TEAD1: variants seen among roughly 807,000 people sequenced by gnomAD.
TEAD1 encodes TEA domain transcription factor 1, also known as transcriptional enhancer factor TEF-1.
A neutral mutation model predicts 54.9 loss-of-function variants in TEAD1; 9 were observed. That is an observed-to-expected ratio of 0.16 (90% CI 0.10 to 0.29). TEAD1 has a LOEUF of 0.29. TEAD1 is among the 10% of genes least tolerant of loss of function. The pLI is 1.00. For missense variants in TEAD1, 387 were observed against 535.9 expected (o/e 0.72, Z 2.74); for synonymous variants, 200 against 187.8 (o/e 1.07, Z -0.53).
At chr11:12,706,645 A>T (rs1943821793) in intron 2 of TEAD1, among the ~76,000 whole-genome samples, 1 of 152,186 alleles carries the variant, frequency 6.6e-6, no homozygotes, top group Non-Finnish European at 1.5e-5. Flanking sequence ...TCCCAGGTGC[A>T]ACCTGCTGTG....
chr11:12,889,913 G>A (rs1339980292), intron 9 of TEAD1, among the ~76,000 whole-genome samples: 2 of 151,910 alleles, frequency 1.3e-5, no homozygotes, highest in African/African-American at 4.8e-5. Flanking sequence ...GTAGAGATGG[G>A]GTTTTACTAT....
At chr11:12,855,313 C>T (rs1054384717) in intron 3 of TEAD1, among the ~76,000 whole-genome samples, 1 of 151,328 alleles carries the variant, frequency 6.6e-6, no homozygotes, top group African/African-American at 2.4e-5. Context: ...TTTGTTGAGA[C>T]GGAGTCTCGC....
intron 2 of TEAD1, among the ~76,000 whole-genome samples, chr11:12,743,101 C>T (rs1944678334): frequency 6.6e-6 from 1 of 152,180 alleles, no homozygotes; most frequent in African/African-American, 2.4e-5. Flanking sequence ...GTGTTCTTGC[C>T]TTGGCATCCC....
chr11:12,802,495 C>T (rs1009836422), intron 3 of TEAD1, among the ~76,000 whole-genome samples: 2 of 152,114 alleles, frequency 1.3e-5, no homozygotes, highest in African/African-American at 2.4e-5. Context: ...CCCCCCATCT[C>T]ACCGCCGCCC....
chr11:12,799,157 C>T (rs1273030399), intron 3 of TEAD1, among the ~76,000 whole-genome samples: 2 of 152,200 alleles, frequency 1.3e-5, no homozygotes, highest in African/African-American at 4.8e-5. Context: ...ATTTACCTAC[C>T]TGTCTACCAA....
At chr11:12,776,783 T>TATTATC (rs1468351314) in intron 3 of TEAD1, among the ~76,000 whole-genome samples, 1 of 128,086 alleles carries the variant, frequency 7.8e-6, no homozygotes, top group Non-Finnish European at 1.5e-5. Flanking sequence ...TTATTATTAT[T>TATTATC]ATTATTATTA....
At chr11:12,677,370 C>T (rs934610486) in intron 2 of TEAD1, among the ~76,000 whole-genome samples, 6 of 152,112 alleles carry the variant, frequency 3.9e-5, no homozygotes, top group Non-Finnish European at 7.4e-5. Flanking sequence ...GGGAGGGCAG[C>T]CTGGGGGGAG....
intron 2 of TEAD1, among the ~76,000 whole-genome samples, chr11:12,675,982 C>T (rs1943077281): frequency 6.6e-6 from 1 of 152,188 alleles, no homozygotes; most frequent in Non-Finnish European, 1.5e-5. Flanking sequence ...AAGCAAGTGG[C>T]TTCCTGTGAT....
chr11:12,871,465 A>T (rs1343143489), intron 5 of TEAD1, among the ~76,000 whole-genome samples: 1 of 152,230 alleles, frequency 6.6e-6, no homozygotes, highest in Non-Finnish European at 1.5e-5. Flanking sequence ...TGTAGAAAGA[A>T]TGCAGAAGCA....
intron 5 of TEAD1, among the ~76,000 whole-genome samples, chr11:12,872,254 C>T (rs923442016): frequency 2.2e-4 from 33 of 152,160 alleles, no homozygotes; most frequent in Non-Finnish European, 4.0e-4. Flanking sequence ...CTCTGTGTTG[C>T]TCCGTGAAGC....
chr11:12,884,717 G>A (rs1162739444), intron 9 of TEAD1, among the ~76,000 whole-genome samples: 2 of 152,110 alleles, frequency 1.3e-5, no homozygotes, highest in Non-Finnish European at 2.9e-5. Flanking sequence ...CATCAGGACA[G>A]GTACAAGAAA....
intron 2 of TEAD1, among the ~76,000 whole-genome samples, chr11:12,685,522 C>T (rs1002410983): frequency 7.2e-5 from 11 of 152,040 alleles, no homozygotes; most frequent in African/African-American, 1.9e-4. Context: ...TCATGTTTTT[C>T]GGTGATCGAG....
chr11:12,687,159 A>T (rs1235685984), intron 2 of TEAD1, among the ~76,000 whole-genome samples: 3 of 152,200 alleles, frequency 2.0e-5, no homozygotes, highest in African/African-American at 7.2e-5. Context: ...TTCTGGGAAG[A>T]TGATGCTGTA....
chr11:12,818,429 A>G (rs11601792), intron 3 of TEAD1, among the ~76,000 whole-genome samples: 9,801 of 152,234 alleles, frequency 0.064, 446 homozygotes, highest in Non-Finnish European at 0.099. Flanking sequence ...GACTTGAAAA[A>G]TAAAGTTAAA....
At chr11:12,921,804 G>A (rs1948812042) in intron 10 of TEAD1, among the ~76,000 whole-genome samples, 1 of 152,106 alleles carries the variant, frequency 6.6e-6, no homozygotes, top group South Asian at 2.1e-4. Context: ...AGACCCAGGG[G>A]CCTCTTCAGC....
chr11:12,920,377 T>TCAACC (rs1477890810), intron 10 of TEAD1, among the ~76,000 whole-genome samples: 8 of 152,174 alleles, frequency 5.3e-5, no homozygotes, highest in Admixed American at 2.0e-4. Context: ...ATTTTTTCTG[T>TCAACC]TTTAAGGTTG....
intron 5 of TEAD1, among the ~76,000 whole-genome samples, chr11:12,872,754 A>C (rs374455933): frequency 5.6e-4 from 86 of 152,306 alleles, no homozygotes; most frequent in African/African-American, 1.9e-3. Flanking sequence ...AATGCCCTAG[A>C]ATGACATCTA....
chr11:12,870,456 G>A lies in TEAD1; in HGVS notation c.330+5556G>A, dbSNP rs377408041. ...AGTAGACTGAAGCTGAGATTCAAGA[G>A]CTCGGTAAGATGGAAAAAAGAAAAA... is the stretch of plus-strand genomic sequence containing the variant. On this transcript the variant is annotated intron_variant, in intron 5 of 12. Coordinates refer to ENST00000527636, the MANE Select transcript of TEAD1 (RefSeq NM_021961.6). 8.6e-5 allele frequency among the ~76,000 whole-genome samples: 13 copies of A among 151,804 alleles called. No homozygotes were observed. The South Asian group carries it at 1.9e-3, about 22-fold the overall frequency.
At chr11:12,927,414 C>T (rs1486947910) in intron 11 of TEAD1, among the ~76,000 whole-genome samples, 4 of 152,154 alleles carry the variant, frequency 2.6e-5, no homozygotes, top group African/African-American at 7.2e-5. Context: ...TTTGTGTCTA[C>T]GTATCCCAGT....
Sources: gnomAD v4.1 joint callset for allele counts (sites outside exome capture counted in the v4.1 genomes callset) on GRCh38, gnomAD v4.1.1 for gene constraint, MANE v1.5 for transcripts, NCBI Gene and HGNC (gene_info 2026-07-23, HGNC 2026-07-21) for gene names.